Variants in SZT2 observed in about 807,000 individuals in gnomAD.
SZT2 encodes the protein SZT2 subunit of KICSTOR complex.
Under a neutral mutation model 404.2 loss-of-function variants are expected in SZT2, and 216 were observed. The ratio of observed to expected loss-of-function variants is 0.53; its 90% CI spans 0.48 to 0.60. The LOEUF (loss-of-function observed/expected upper bound fraction) is 0.60, where lower values mean the gene tolerates loss of function less well. Ranked by LOEUF, SZT2 falls within the 20% of genes least tolerant of loss-of-function variation. SZT2 has a pLI of 0.00. For missense variants in SZT2, 3,857 were observed against 4,459.2 expected, an observed-to-expected ratio of 0.86 and a Z score of 3.85; for synonymous variants, 1,693 against 1,749.9, an observed-to-expected ratio of 0.97 and a Z score of 0.81.
chr1:43,390,996 T>A (rs1648233573), intron 1 of SZT2, among the ~76,000 whole-genome samples: 1 of 152,188 alleles, frequency 6.6e-6, no homozygotes, highest in East Asian at 1.9e-4. Flanking sequence ...TTTTTTAGTT[T>A]AGGAACTGAG....
At chr1:43,422,057 T>G (rs780732545) in intron 11 of SZT2, 26 bp from the exon 12 acceptor site, 1 of 1,585,024 alleles carries the variant, frequency 6.3e-7, no homozygotes, top group South Asian at 1.1e-5. Flanking sequence ...CAAATGCTCC[T>G]ATAGTGCTGT....
In SZT2 at chr1:43,451,335, C is replaced by T. The variant is rs1362445057; in HGVS notation, c.*855C>T. 4 of 1,612,476 alleles carry T rather than the reference C, an allele frequency of 2.5e-6. No homozygotes were observed. The South Asian group carries it at 3.3e-5, about 13-fold the overall frequency. ...TCCTGCAGGGAGAGGGAGGCCTCGGCACCTCAGCCCACAAGGAGAAAACAG... is the reference window on the plus strand; with the variant it reads ...TCCTGCAGGGAGAGGGAGGCCTCGGTACCTCAGCCCACAAGGAGAAAACAG... On this transcript the variant is annotated 3_prime_UTR_variant, in exon 72 of 72. Coordinates refer to ENST00000634258, the MANE Select transcript of SZT2 (RefSeq NM_001365999.1).
At position 43,441,574 on chromosome 1, in the gene SZT2, C is replaced by T. The variant is rs139028803; in HGVS notation, c.7582C>T (p.Arg2528Cys). The change falls in exon 54 of 72, where the codon CGC (arginine) becomes TGC (cysteine). Residue 2528 changes from arginine (R) to cysteine (C), a missense_variant. Physicochemically the swap from Arg to Cys is radical, Grantham distance 180. Around this residue, in one of 7 missense-constraint regions of SZT2, gnomAD observed 573 missense variants for 592.4 expected, o/e 0.97. Transcript: ENST00000634258. This position sits in a 1 kb window ranked among gnomAD's most constrained non-coding sequence, Gnocchi z 4.8. ...LHPVFARVAQRWMEFMVQIGC... is the reference protein window; with the variant it reads ...LHPVFARVAQCWMEFMVQIGC... ...TCCTGTGTTTGCCCGTGTTGCTCAG[C>T]GCTGGATGGAGTTTATGGTTCAGAT... The T allele has an allele frequency of 7.5e-5, 121 of 1,613,986 alleles. No homozygotes were observed. Among genetic ancestry groups the T allele is most frequent in the Admixed American group, 3.7e-4 (22 of 60,000 alleles).
chr1:43,404,591 T>C lies in SZT2; in HGVS notation c.498+41T>C. The C allele has an allele frequency of 1.9e-6, 3 of 1,587,666 alleles. No homozygotes were observed. In the South Asian group the frequency reaches 3.4e-5, roughly 18 times the overall value. On this transcript the variant is annotated intron_variant, in intron 4 of 71. Coordinates refer to ENST00000634258, the MANE Select transcript of SZT2 (RefSeq NM_001365999.1). ...TCCAAGTTTGTACCCTCAGACCAAA[T>C]TTCTATTAGTCCTCTGACCAAGTCC...
At position 43,438,835 on chromosome 1, in the gene SZT2, C is replaced by T. The variant is rs201828109; in HGVS notation, c.6627+18C>T. 6.2e-6 allele frequency: 10 copies of T among 1,611,452 alleles called. No homozygotes were observed. The East Asian group carries it at 1.8e-4, about 29-fold the overall frequency. ...ATGTGGAGGTCAGCTCCCCTCTAGG[C>T]ACCAGCATCCTTCCCAGACTCAGCC... On this transcript the variant is annotated intron_variant, in intron 47 of 71. Transcript: ENST00000634258.
rs376730330 is a variant in SZT2 at position 43,451,813 on chromosome 1, G to A, written c.*1333G>A. The A allele has an allele frequency of 1.9e-5, 30 of 1,614,104 alleles. No homozygotes were observed. The East Asian group carries it at 2.5e-4, about 13-fold the overall frequency. On this transcript the variant is annotated 3_prime_UTR_variant, in exon 72 of 72. Coordinates refer to ENST00000634258, the MANE Select transcript of SZT2 (RefSeq NM_001365999.1). The stretch of plus-strand genomic sequence containing the variant: ...TTCCACTTACCATTTGTAATTGGAG[G>A]TTGGGTCTTCCTACCTTCTGTAAGA...
At chr1:43,397,595 T>C (rs1338737025) in intron 1 of SZT2, among the ~76,000 whole-genome samples, 1 of 151,212 alleles carries the variant, frequency 6.6e-6, no homozygotes, top group East Asian at 2.1e-4. Context: ...TGGTGCAATC[T>C]TGGCTCACTG....
chr1:43,406,582 T>C (rs1006443444), intron 4 of SZT2: 3 of 152,642 alleles, frequency 2.0e-5, no homozygotes, highest in Non-Finnish European at 2.9e-5. Flanking sequence ...AAAATTTGAA[T>C]GTGGAAAGGG....
At chr1:43,435,352 C>G (rs1285238488) in intron 42 of SZT2, 23 bp downstream of exon 42, 16 of 1,613,074 alleles carry the variant, frequency 9.9e-6, no homozygotes, top group Non-Finnish European at 1.1e-5. Flanking sequence ...CCAGGAGCCT[C>G]CCTCACAAGG....
Position 43,424,085 on chromosome 1 carries a change from C to T in SZT2, c.2256-132C>T, listed in dbSNP as rs1570639493. ...GGTACAGAGGTGTGGAAGGGCGTGG[C>T]TTAGCCGGGTATCAGTGGTACAGAG... On this transcript the variant is annotated intron_variant, in intron 15 of 71. Coordinates refer to ENST00000634258, the MANE Select transcript of SZT2 (RefSeq NM_001365999.1). This position sits in a 1 kb window ranked among gnomAD's most constrained non-coding sequence, Gnocchi z 4.1. 1 of 752,272 alleles carries T rather than the reference C, an allele frequency of 1.3e-6. No individual in the cohort carries two copies. The highest frequency in any genetic ancestry group is 2.2e-6 in the Non-Finnish European group (1 of 458,440). 46.6% of individuals were successfully genotyped at this position (752,272 alleles called of 1,614,324 possible).
In SZT2 at chr1:43,452,134, C is replaced by T; in HGVS notation, c.*1654C>T. ...TAGGCTGGCAGCCTCACGTGCTGTCCCCACTGTGCACCCCCTTCTCCGCAC... is the reference window on the plus strand; with the variant it reads ...TAGGCTGGCAGCCTCACGTGCTGTCTCCACTGTGCACCCCCTTCTCCGCAC... On this transcript the variant is annotated 3_prime_UTR_variant, in exon 72 of 72. Coordinates refer to ENST00000634258, the MANE Select transcript of SZT2 (RefSeq NM_001365999.1). 6.7e-7 allele frequency: 1 copy of T among 1,495,280 alleles called. No homozygotes were observed. Among genetic ancestry groups the T allele is most frequent in the Non-Finnish European group, 9.2e-7 (1 of 1,081,224 alleles). The allele number at this position is 1,495,280 out of a possible 1,614,324, so 92.6% of individuals were successfully genotyped here. A position where few individuals can be genotyped will look rare whatever the true frequency, so the allele number is the denominator to read the frequency against.
At position 43,440,410 on chromosome 1, in the gene SZT2, T is replaced by C. The variant is rs781166325; in HGVS notation, c.7211-43T>C. 7.8e-6 allele frequency: 12 copies of C among 1,528,968 alleles called. No individual in the cohort carries two copies. In the East Asian group the frequency reaches 2.1e-4, roughly 27 times the overall value. 94.7% of individuals were successfully genotyped at this position (1,528,968 alleles called of 1,614,324 possible). A position where few individuals can be genotyped will look rare whatever the true frequency, so the allele number is the denominator to read the frequency against. On this transcript the variant is annotated intron_variant, in intron 51 of 71. Coordinates refer to ENST00000634258, the MANE Select transcript of SZT2 (RefSeq NM_001365999.1). Reference sequence around the variant, plus strand: ...GAGGTTCAGTTTTCTAGAATGGGGATTGATGATCAGTGATGGGTGTCTGTA... The same window carrying C: ...GAGGTTCAGTTTTCTAGAATGGGGACTGATGATCAGTGATGGGTGTCTGTA...
chr1:43,443,381 A>G lies in SZT2; in HGVS notation c.8529A>G (p.Ser2843=). 1 of 1,614,138 alleles carries G rather than the reference A, an allele frequency of 6.2e-7. No individual in the cohort carries two copies. The highest frequency in any genetic ancestry group is 8.5e-7 in the Non-Finnish European group (1 of 1,180,010). Residue 2843 remains serine, a synonymous_variant, in exon 61 of 72, where the codon TCA becomes TCG. Coordinates refer to ENST00000634258, the MANE Select transcript of SZT2 (RefSeq NM_001365999.1). ...GAGAGCTGGAGACCCTGAAGCAGTC[A>G]TCCCGCCTGGTGCATTACTGTGCAA... The part of the protein sequence containing the change: ...SAGELETLKQ[S]SRLVHYCATA...
At position 43,425,401 on chromosome 1, in the gene SZT2, G is replaced by A; in HGVS notation, c.2646-73G>A. The A allele has an allele frequency of 6.3e-7, 1 of 1,591,272 alleles. No individual in the cohort carries two copies. The highest frequency in any genetic ancestry group is 8.6e-7 in the Non-Finnish European group (1 of 1,166,038). On this transcript the variant is annotated intron_variant, in intron 18 of 71. Transcript: ENST00000634258. The surrounding 1 kb of genome is among the most constrained non-coding windows in gnomAD (Gnocchi z 4.3). ...TGACTCGTGGCTGTCCTCTGTGCCT[G>A]CCTCCTTCCCTCCATGAGGTTCACT...
rs752731060 is a variant in SZT2, at chr1:43,442,253, T to C, written c.7874-15T>C. 1.2e-6 allele frequency: 2 copies of C among 1,609,120 alleles called. No individual in the cohort carries two copies. On this transcript the variant is annotated splice_polypyrimidine_tract_variant and intron_variant, in intron 56 of 71. Transcript: ENST00000634258. This position sits in a 1 kb window ranked among gnomAD's most constrained non-coding sequence, Gnocchi z 4.5. Reference sequence around the variant, plus strand: ...TGTTCCCAGGCCCCTATTGTGCCCCTCCCCCACCCTGTAGCTGCCAAAGCC... The same window carrying C: ...TGTTCCCAGGCCCCTATTGTGCCCCCCCCCCACCCTGTAGCTGCCAAAGCC...
In SZT2 at chr1:43,432,269, T is replaced by C; in HGVS notation, c.5275-3T>C. 6.5e-7 allele frequency: 1 copy of C among 1,546,580 alleles called. No individual in the cohort carries two copies. The highest frequency in any genetic ancestry group is 8.7e-7 in the Non-Finnish European group (1 of 1,149,306). ...AACTGTGATCTTGGCTCCTGCTCTC[T>C]AGGAGTTCCGCCGCCTCCATCTCCC... On this transcript the variant is annotated splice_region_variant and splice_polypyrimidine_tract_variant and intron_variant, in intron 36 of 71. Transcript: ENST00000634258.
At chr1:43,419,216 T>C (rs772806901) in intron 7 of SZT2, among the ~76,000 whole-genome samples, 12 of 152,184 alleles carry the variant, frequency 7.9e-5, no homozygotes, top group Non-Finnish European at 1.6e-4. Context: ...TTCACAAAAA[T>C]AGGTGATGGA....
At position 43,445,715 on chromosome 1, in the gene SZT2, C is replaced by T. The variant is rs926577511; in HGVS notation, c.8826-179C>T. 2.4e-5 allele frequency: 16 copies of T among 664,350 alleles called. No individual in the cohort carries two copies. In the South Asian group the frequency reaches 2.6e-4, roughly 11 times the overall value. 41.2% of individuals were successfully genotyped at this position (664,350 alleles called of 1,614,324 possible). A position where few individuals can be genotyped will look rare whatever the true frequency, so the allele number is the denominator to read the frequency against. ...GAAGCAGCAGCTGCTATGGAGAGAG[C>T]CCAGCCTTGCAGTCTAGACCTGGAC... On this transcript the variant is annotated intron_variant, in intron 62 of 71. Coordinates refer to ENST00000634258, the MANE Select transcript of SZT2 (RefSeq NM_001365999.1).
At chr1:43,427,945 G>T in intron 26 of SZT2, 58 bp from the exon 27 acceptor site, 4 of 1,479,218 alleles carry the variant, frequency 2.7e-6, no homozygotes, top group South Asian at 1.2e-5. Flanking sequence ...GATGGCTAAT[G>T]AGTGTGAGGT....
Sources: gnomAD v4.1 joint callset for allele counts (sites outside exome capture counted in the v4.1 genomes callset) on GRCh38, gnomAD v4.1.1 for gene constraint, gnomAD v4.1.1 regional missense constraint, Gnocchi (gnomAD v3.1) non-coding constraint, MANE v1.5 for transcripts, NCBI Gene and HGNC (gene_info 2026-07-23, HGNC 2026-07-21) for gene names.